Variants in CTNNA1 observed in about 807,000 individuals in gnomAD.
The protein encoded by CTNNA1 is catenin alpha 1, also known as catenin alpha-1.
In CTNNA1, 37 loss-of-function variants were observed where a neutral mutation model predicts 98.4. The observed-to-expected ratio is 0.38, with a 90% CI of 0.29 to 0.49. The LOEUF is 0.49. Among genes scored for constraint, CTNNA1 ranks in the 20% least tolerant of loss-of-function variants. The probability of loss-of-function intolerance (pLI) is 0.95; values close to 1 mark genes in which losing one functional copy is unlikely to be tolerated. For synonymous variants in CTNNA1, 404 were observed against 413.2 expected (o/e 0.98, Z 0.27); for missense variants, 761 against 1,147.2 (o/e 0.66, Z 4.86).
chr5:138,829,074 G>T (rs1454369405), intron 7 of CTNNA1, among the ~76,000 whole-genome samples: 2 of 152,016 alleles, frequency 1.3e-5, no homozygotes, highest in Non-Finnish European at 2.9e-5. Flanking sequence ...GTGAACCATG[G>T]TCGCGCCACT....
intron 7 of CTNNA1, among the ~76,000 whole-genome samples, chr5:138,835,964 G>C: frequency 6.6e-6 from 1 of 152,150 alleles, no homozygotes; most frequent in Non-Finnish European, 1.5e-5. Context: ...TCATGCTCCA[G>C]CCTCCCAAAC....
chr5:138,823,548 G>A (rs932950571), intron 5 of CTNNA1, among the ~76,000 whole-genome samples: 1 of 152,030 alleles, frequency 6.6e-6, no homozygotes, highest in African/African-American at 2.4e-5. Flanking sequence ...GGTGGGGAGC[G>A]GGAGAGGAGG....
chr5:138,861,975 A>G (rs952440228), intron 7 of CTNNA1, among the ~76,000 whole-genome samples: 2 of 152,168 alleles, frequency 1.3e-5, no homozygotes, highest in African/African-American at 4.8e-5. Context: ...AGATAAAAGG[A>G]TTTTCCTTGT....
intron 7 of CTNNA1, chr5:138,880,952 T>C (rs1752769572): frequency 2.4e-6 from 1 of 420,596 alleles, no homozygotes; most frequent in South Asian, 1.7e-5. Context: ...AAAAAACACA[T>C]TGAATATGTG....
chr5:138,772,114 C>T (rs1432885587), intron 1 of CTNNA1, among the ~76,000 whole-genome samples: 1 of 152,122 alleles, frequency 6.6e-6, no homozygotes, highest in Non-Finnish European at 1.5e-5. Context: ...GTTATCAGCC[C>T]CCTTGGTTCT....
intron 3 of CTNNA1, among the ~76,000 whole-genome samples, chr5:138,792,753 G>A (rs912040355): frequency 2.6e-5 from 4 of 152,190 alleles, no homozygotes; most frequent in Non-Finnish European, 5.9e-5. Flanking sequence ...GTTGAGTATG[G>A]ATTTCAAAAA....
At chr5:138,862,355 T>TC (rs1764363876) in intron 7 of CTNNA1, among the ~76,000 whole-genome samples, 1 of 152,224 alleles carries the variant, frequency 6.6e-6, no homozygotes, top group African/African-American at 2.4e-5. Context: ...TACATTTTTT[T>TC]CTAAACAAAA....
At chr5:138,900,879 G>T (rs1757884975) in intron 9 of CTNNA1, among the ~76,000 whole-genome samples, 1 of 152,148 alleles carries the variant, frequency 6.6e-6, no homozygotes, top group Non-Finnish European at 1.5e-5. Context: ...CTTCCACACA[G>T]TAGGCACAGA....
At chr5:138,856,661 T>C (rs1178662855) in intron 7 of CTNNA1, among the ~76,000 whole-genome samples, 1 of 152,188 alleles carries the variant, frequency 6.6e-6, no homozygotes, top group Non-Finnish European at 1.5e-5. Context: ...GTTTAATATT[T>C]GCACCATGTT....
intron 10 of CTNNA1, among the ~76,000 whole-genome samples, chr5:138,910,004 T>C (rs755511688): frequency 6.6e-6 from 1 of 152,198 alleles, no homozygotes; most frequent in Non-Finnish European, 1.5e-5. Context: ...TCTGGTTTTT[T>C]ACAAAGCAGT....
chr5:138,879,633 T>C (rs1752457335), intron 7 of CTNNA1, among the ~76,000 whole-genome samples: 1 of 152,122 alleles, frequency 6.6e-6, no homozygotes, highest in Non-Finnish European at 1.5e-5. Context: ...TAAAAAAATT[T>C]TTTTCGTGGA....
At chr5:138,910,151 G>C (rs1265265066) in intron 10 of CTNNA1, among the ~76,000 whole-genome samples, 1 of 149,432 alleles carries the variant, frequency 6.7e-6, no homozygotes, top group Admixed American at 6.7e-5. Flanking sequence ...CAGAGGTGCT[G>C]TGCTCTTTTC....
At position 138,833,990 on chromosome 5, in the gene CTNNA1, T is replaced by G. The variant is rs551365337; in HGVS notation, c.1062+6272T>G. On this transcript the variant is annotated intron_variant, in intron 7 of 17. Transcript: ENST00000302763. ...ATGTTAATACATCAAGTATAAAATT[T>G]TAATTCGATTTGGGTAAATTTGATG... 2.6e-5 allele frequency among the ~76,000 whole-genome samples: 4 copies of G among 152,338 alleles called. No homozygotes were observed. In the South Asian group the frequency reaches 8.3e-4, roughly 32 times the overall value.
chr5:138,872,161 TATTA>T (rs1750727257), intron 7 of CTNNA1: 1 of 152,596 alleles, frequency 6.6e-6, no homozygotes, highest in Admixed American at 6.6e-5. Context: ...TTTTTTCACA[TATTA>T]ATGTAAACAT....
intron 10 of CTNNA1, among the ~76,000 whole-genome samples, chr5:138,905,093 CAAAAAAAA>C (rs781709207): frequency 1.7e-5 from 1 of 58,252 alleles, no homozygotes; most frequent in Non-Finnish European, 3.7e-5. Context: ...GACTCCGTCT[CAAAAAAAA>C]AAAAAAAAAA....
At chr5:138,819,997 T>C (rs1006433972) in intron 5 of CTNNA1, among the ~76,000 whole-genome samples, 3 of 151,980 alleles carry the variant, frequency 2.0e-5, no homozygotes, top group African/African-American at 7.3e-5. Flanking sequence ...CTTTGCTCTG[T>C]GCCATGATTG....
chr5:138,780,480 A>C (rs1309102079), intron 1 of CTNNA1, among the ~76,000 whole-genome samples: 2 of 151,976 alleles, frequency 1.3e-5, no homozygotes, highest in Non-Finnish European at 2.9e-5. Context: ...GGCGTGAGCC[A>C]CTGCGCCTGG....
intron 3 of CTNNA1, among the ~76,000 whole-genome samples, chr5:138,788,010 C>T (rs528195951): frequency 2.4e-4 from 37 of 152,288 alleles, no homozygotes; most frequent in Admixed American, 5.2e-4. Flanking sequence ...TAATCTGCTT[C>T]GTTTTTGAGT....
At chr5:138,827,816 A>C in intron 7 of CTNNA1, 98 bp downstream of exon 7, 1 of 1,444,616 alleles carries the variant, frequency 6.9e-7, no homozygotes, top group Non-Finnish European at 9.4e-7. Context: ...AATACCAAAT[A>C]TGTCCTTGAC....
Sources: gnomAD v4.1 joint callset for allele counts (sites outside exome capture counted in the v4.1 genomes callset) on GRCh38, gnomAD v4.1.1 for gene constraint, MANE v1.5 for transcripts, NCBI Gene and HGNC (gene_info 2026-07-23, HGNC 2026-07-21) for gene names.